Variants in ATP13A2 observed in about 807,000 individuals in gnomAD.
ATP13A2 encodes the protein polyamine-transporting ATPase 13A2.
In ATP13A2, 83 loss-of-function variants were observed where a neutral mutation model predicts 138.3. The ratio of observed to expected loss-of-function variants is 0.60; its 90% confidence interval spans 0.50 to 0.72. ATP13A2 has a LOEUF of 0.72. Among genes scored for constraint, ATP13A2 ranks in the 30% least tolerant of loss-of-function variants. The pLI, the probability that ATP13A2 is intolerant of heterozygous loss-of-function variation, is 0.00. For missense variants in ATP13A2, 1,402 were observed against 1,606.4 expected (o/e 0.87, Z 2.17); for synonymous variants, 663 against 699.0 (o/e 0.95, Z 0.81).
rs200916673 is a variant in ATP13A2 at position 16,992,322 on chromosome 1, C to T, written c.1926G>A (p.Ala642=). The T allele has an allele frequency of 4.1e-4, 663 of 1,612,586 alleles. 1 individual carries two copies. Among genetic ancestry groups the T allele is most frequent in the Middle Eastern group, 6.6e-4 (4 of 6,060 alleles). Residue 642 remains alanine, a synonymous_variant, in exon 18 of 29, where the codon GCG becomes GCA. Transcript: ENST00000326735. ...SALQRMSVVV[A]WPGATQPEAY... ...CCTCGGGCTGAGTGGCCCCTGGCCA[C>T]GCCACCACCACACTCATGCGCTGCA...
At position 16,986,674 on chromosome 1, in the gene ATP13A2, C is replaced by T. The variant is rs957202477; in HGVS notation, c.3236-42G>A. On this transcript the variant is annotated intron_variant, in intron 27 of 28. Transcript: ENST00000326735. This position sits in a 1 kb window ranked among gnomAD's most constrained non-coding sequence, Gnocchi z 6.9. ...CTCTCAGGCAGGAGCCACGCCCCCCCGGCACCCACAGACACACGTGTGCAC... is the reference window on the plus strand; with the variant it reads ...CTCTCAGGCAGGAGCCACGCCCCCCTGGCACCCACAGACACACGTGTGCAC... 8.2e-6 allele frequency: 13 copies of T among 1,578,232 alleles called. No individual in the cohort carries two copies. The highest frequency in any genetic ancestry group is 2.7e-5 in the African/African-American group (2 of 74,128).
chr1:16,997,415 G>GGGGGA (rs1553169131), intron 11 of ATP13A2, among the ~76,000 whole-genome samples: 1 of 120,004 alleles, frequency 8.3e-6, no homozygotes, highest in Non-Finnish European at 1.7e-5. Context: ...TGGAACCAGC[G>GGGGGA]GGGGGGGGTG....
chr1:16,992,723 CA>C, intron 16 of ATP13A2, 142 bp from the exon 17 acceptor site: 1 of 808,148 alleles, frequency 1.2e-6, no homozygotes, highest in Non-Finnish European at 2.0e-6. Flanking sequence ...GACTCAAATT[CA>C]AACTCTAGCT....
intron 15 of ATP13A2, among the ~76,000 whole-genome samples, chr1:16,994,421 C>T (rs1163526143): frequency 3.3e-5 from 5 of 151,766 alleles, no homozygotes; most frequent in East Asian, 2.0e-4. Context: ...TTAGTAGAGA[C>T]GGGGTTTCAC....
chr1:17,010,853 G>A (rs2077758600), intron 1 of ATP13A2, among the ~76,000 whole-genome samples: 2 of 152,254 alleles, frequency 1.3e-5, no homozygotes, highest in Non-Finnish European at 1.5e-5. Flanking sequence ...CCTGGCAGCG[G>A]CCCAGGGCGG....
At chr1:17,006,465 G>A (rs905592064) in intron 1 of ATP13A2, among the ~76,000 whole-genome samples, 2 of 152,038 alleles carry the variant, frequency 1.3e-5, no homozygotes, top group Admixed American at 1.3e-4. Flanking sequence ...TGGCCAGGCT[G>A]GTCTCGAACT....
At position 16,997,061 on chromosome 1, in the gene ATP13A2, G is replaced by T. The variant is rs766267020; in HGVS notation, c.1154C>A (p.Ala385Asp). 1.9e-6 allele frequency: 3 copies of T among 1,613,094 alleles called. No individual in the cohort carries two copies. Among genetic ancestry groups the T allele is most frequent in the Non-Finnish European group, 2.5e-6 (3 of 1,179,996 alleles). Residue 385 changes from alanine (A) to aspartate (D), a missense_variant, in exon 12 of 29, where the codon GCC becomes GAC. By Grantham distance (126) the Ala-to-Asp change is moderately radical (BLOSUM62 -2). Coordinates refer to ENST00000326735, the MANE Select transcript of ATP13A2 (RefSeq NM_022089.4). ...TGCCAGGACGTGCGGTCCCACATAG[G>T]CCCGGGCCTGCAAGATGAGGGTCCC... ...FCGTLILQAR[A>D]YVGPHVLAVV...
chr1:16,988,079 G>T, intron 25 of ATP13A2, 59 bp downstream of exon 25: 1 of 1,482,052 alleles, frequency 6.7e-7, no homozygotes, highest in Non-Finnish European at 9.4e-7. Flanking sequence ...AAGGCACAGG[G>T]CTGTGTCCCC....
chr1:17,008,957 C>CAAAAAAAAA (rs59927720), intron 1 of ATP13A2, among the ~76,000 whole-genome samples: 16 of 111,694 alleles, frequency 1.4e-4, no homozygotes, highest in African/African-American at 5.3e-4. Flanking sequence ...GAGCAAGACT[C>CAAAAAAAAA]AAAAAAAAAA....
chr1:17,011,356 C>G lies in ATP13A2; in HGVS notation c.10+373G>C, dbSNP rs979006220. On this transcript the variant is annotated intron_variant, in intron 1 of 28. Coordinates refer to ENST00000326735, the MANE Select transcript of ATP13A2 (RefSeq NM_022089.4). This position sits in a 1 kb window ranked among gnomAD's most constrained non-coding sequence, Gnocchi z 7.3. ...GGCCCGAGGATGCAGCCGTCTCCCC[C>G]ACCTGGACATCCGTCACTCGGGGTG... 6.6e-6 allele frequency among the ~76,000 whole-genome samples: 1 copy of G among 152,184 alleles called. No homozygotes were observed. Among genetic ancestry groups the G allele is most frequent in the Admixed American group, 6.5e-5 (1 of 15,282 alleles).
At chr1:16,997,358 T>C (rs1192227078) in intron 11 of ATP13A2, among the ~76,000 whole-genome samples, 183 bp from the exon 12 acceptor site, 2 of 136,668 alleles carry the variant, frequency 1.5e-5, no homozygotes, top group East Asian at 4.9e-4. Flanking sequence ...GACGGAGATA[T>C]AAAGGCACAG....
At position 16,997,168 on chromosome 1, in the gene ATP13A2, G is replaced by A. The variant is rs747589165; in HGVS notation, c.1047C>T (p.Ser349=). ...MVNESSLTGE[S]IPVLKTALPE... ...GCAGTGCCGTCTTCAGCACTGGAAT[G>A]CTCTCTCCTGGTGGGGAACGTGGTG... Residue 349 remains serine (S), a synonymous_variant, in exon 12 of 29, where the codon AGC becomes AGT. Transcript: ENST00000326735. 3 of 1,613,500 alleles carry A rather than the reference G, an allele frequency of 1.9e-6. No individual in the cohort carries two copies. The highest frequency in any genetic ancestry group is 1.7e-4 in the Middle Eastern group (1 of 6,054).
rs971333396 is a variant in ATP13A2, at chr1:16,986,823, G to A, written c.3217C>T (p.Arg1073Trp). ...AAVSKGAPFR[R>W]PLYTNVPFLV... ...GTGGCACCATTGGTGTAGAGCGGCC[G>A]GCGGAAGGGCGCCCCCTTGGACACG... The change falls in exon 27 of 29, where the codon CGG (arginine) becomes TGG (tryptophan). Residue 1073 changes from arginine to tryptophan, a missense_variant. Coordinates refer to ENST00000326735, the MANE Select transcript of ATP13A2 (RefSeq NM_022089.4). This position sits in a 1 kb window ranked among gnomAD's most constrained non-coding sequence, Gnocchi z 6.9. The A allele has an allele frequency of 5.0e-6, 8 of 1,612,716 alleles. No homozygotes were observed. The highest frequency in any genetic ancestry group is 2.2e-5 in the East Asian group (1 of 44,766).
In ATP13A2 at chr1:16,986,826, G is replaced by C. The variant is rs777755640; in HGVS notation, c.3214C>G (p.Arg1072Gly). 2 of 1,612,900 alleles carry C rather than the reference G, an allele frequency of 1.2e-6. No individual in the cohort carries two copies. The highest frequency in any genetic ancestry group is 1.7e-6 in the Non-Finnish European group (2 of 1,179,692). Residue 1072 changes from arginine to glycine, a missense_variant, in exon 27 of 29, where the codon CGC becomes GGC. Physicochemically the swap from Arg to Gly is moderately radical, Grantham distance 125. Coordinates refer to ENST00000326735, the MANE Select transcript of ATP13A2 (RefSeq NM_022089.4). This position sits in a 1 kb window ranked among gnomAD's most constrained non-coding sequence, Gnocchi z 6.9. ...AAAVSKGAPF[R>G]RPLYTNVPFL... The stretch of plus-strand genomic sequence containing the variant: ...GCACCATTGGTGTAGAGCGGCCGGC[G>C]GAAGGGCGCCCCCTTGGACACGGCT...
At chr1:16,992,868 G>A (rs558094263) in intron 16 of ATP13A2, among the ~76,000 whole-genome samples, 30 of 152,372 alleles carry the variant, frequency 2.0e-4, no homozygotes, top group African/African-American at 7.2e-4. Context: ...CTCTGTGGCC[G>A]TGCGCTGGCG....
chr1:16,999,906 AAAAC>A lies in ATP13A2; in HGVS notation c.1039+101_1039+104del. The A allele has an allele frequency of 2.1e-6, 3 of 1,438,880 alleles. No homozygotes were observed. The South Asian group carries it at 4.4e-5, about 21-fold the overall frequency. 89.1% of individuals were successfully genotyped at this position (1,438,880 alleles called of 1,614,324 possible). A position where few individuals can be genotyped will look rare whatever the true frequency, so the allele number is the denominator to read the frequency against. On this transcript the variant is annotated intron_variant, in intron 11 of 28. Coordinates refer to ENST00000326735, the MANE Select transcript of ATP13A2 (RefSeq NM_022089.4). ...ACAGAGTGAAACTCCGTCTCACAAA[AAAAC>A]AAAAAAGGAAAAGGAAACTCAAATG...
At position 17,011,579 on chromosome 1, in the gene ATP13A2, G is replaced by T; in HGVS notation, c.10+150C>A. On this transcript the variant is annotated intron_variant, in intron 1 of 28. Transcript: ENST00000326735. This position sits in a 1 kb window ranked among gnomAD's most constrained non-coding sequence, Gnocchi z 7.3. ...GCCGAGTCCCCGTCAAAAGGGAGGG[G>T]ACGGGCCAGGATCCCCAACCAGGTC... 1 of 978,224 alleles carries T rather than the reference G, an allele frequency of 1.0e-6. No individual in the cohort carries two copies. Among genetic ancestry groups the T allele is most frequent in the Non-Finnish European group, 1.3e-6 (1 of 746,754 alleles). The allele number at this position is 978,224 out of a possible 1,614,324, so 60.6% of individuals were successfully genotyped here. A position where few individuals can be genotyped will look rare whatever the true frequency, so the allele number is the denominator to read the frequency against.
rs1209351136 is a variant in ATP13A2, at chr1:16,993,920, C to A, written c.1543-85G>T. ...CTGGGCCTCCAAACCCCAGGCCCGG[C>A]GGACCCTATGGGAACCCCAGGAACT... is the stretch of plus-strand genomic sequence containing the variant. On this transcript the variant is annotated intron_variant, in intron 15 of 28. Coordinates refer to ENST00000326735, the MANE Select transcript of ATP13A2 (RefSeq NM_022089.4). 4 of 1,224,638 alleles carry A rather than the reference C, an allele frequency of 3.3e-6. No homozygotes were observed. In the African/African-American group the frequency reaches 6.1e-5, roughly 19 times the overall value. The allele number at this position is 1,224,638 out of a possible 1,614,324, so 75.9% of individuals were successfully genotyped here. A position where few individuals can be genotyped will look rare whatever the true frequency, so the allele number is the denominator to read the frequency against.
rs1158223132 is a variant in ATP13A2, at chr1:16,988,269, G to T, written c.2763-35C>A. ...AGGGCACGGACATTAGGGGACCCAG[G>T]TTGGCTGACCAGCCCTGCTGAGCCC... On this transcript the variant is annotated intron_variant, in intron 24 of 28. Coordinates refer to ENST00000326735, the MANE Select transcript of ATP13A2 (RefSeq NM_022089.4). The T allele has an allele frequency of 2.5e-6, 4 of 1,614,090 alleles. No individual in the cohort carries two copies. The African/African-American group carries it at 5.3e-5, about 22-fold the overall frequency.
Sources: gnomAD v4.1 joint callset for allele counts (sites outside exome capture counted in the v4.1 genomes callset) on GRCh38, gnomAD v4.1.1 for gene constraint, Gnocchi (gnomAD v3.1) non-coding constraint, MANE v1.5 for transcripts, NCBI Gene and HGNC (gene_info 2026-07-23, HGNC 2026-07-21) for gene names.